AMOT: variants seen among roughly 807,000 people sequenced by gnomAD.
AMOT encodes angiomotin.
A neutral mutation model predicts 67.0 loss-of-function variants in AMOT; 11 were observed. That is an observed-to-expected ratio of 0.16 (90% confidence interval 0.10 to 0.27). AMOT has a LOEUF of 0.27. Ranked by LOEUF, AMOT falls within the 10% of genes least tolerant of loss-of-function variation. AMOT has a pLI of 1.00. For synonymous variants in AMOT, 326 were observed against 321.4 expected (o/e 1.01, Z -0.15); for missense variants, 753 against 852.0 (o/e 0.88, Z 1.45).
At chrX:112,801,786 G>A (rs2147798441) in intron 8 of AMOT, among the ~76,000 whole-genome samples, 1 of 112,612 alleles carries the variant, frequency 8.9e-6, no homozygotes, top group Admixed American at 9.3e-5. Context: ...ACCTTTCCCT[G>A]ACCACCTTAA....
In AMOT at chrX:112,790,648, C is replaced by T. The variant is rs774306996; in HGVS notation, c.2061G>A (p.Glu687=). 1 of 1,211,065 alleles carries T rather than the reference C, an allele frequency of 8.3e-7. No individual in the cohort carries two copies. The highest frequency in any genetic ancestry group is 1.1e-6 in the Non-Finnish European group (1 of 895,159). ...DMTKWEQKYL[E]ENVMRHFALD... ...GAGCAAAATGTCTCATCACATTCTC[C>T]TCCAAATATTTCTGCTCCCACTTTG... The change falls in exon 10 of 14, where the codon GAG becomes GAA. Residue 687 remains glutamate, a synonymous_variant. Transcript: ENST00000371959.
chrX:112,783,595 T>C (rs1933270763), intron 10 of AMOT, among the ~76,000 whole-genome samples: 1 of 111,530 alleles, frequency 9.0e-6, no homozygotes. Flanking sequence ...AAAGTGACTG[T>C]TCTCTTGCCA....
chrX:112,830,214 G>C (rs370338765), intron 2 of AMOT, among the ~76,000 whole-genome samples: 2 of 111,624 alleles, frequency 1.8e-5, no homozygotes, highest in South Asian at 3.8e-4. Flanking sequence ...GTTTTTACAA[G>C]CAATGAATTA....
At chrX:112,791,159 C>A (rs1249639584) in intron 9 of AMOT, among the ~76,000 whole-genome samples, 5 of 109,390 alleles carry the variant, frequency 4.6e-5, no homozygotes, top group African/African-American at 1.7e-4. Context: ...GCAGGTGGAT[C>A]ACCTGAGGTC....
intron 1 of AMOT, among the ~76,000 whole-genome samples, chrX:112,834,805 C>T (rs190274346): frequency 1.3e-3 from 147 of 112,934 alleles, no homozygotes; most frequent in African/African-American, 4.3e-3. Flanking sequence ...CTTTGAATAA[C>T]TCACTGATCT....
intron 4 of AMOT, chrX:112,819,488 C>T: frequency 3.4e-6 from 2 of 595,949 alleles, no homozygotes; most frequent in Non-Finnish European, 4.0e-6. Context: ...TTCAAGAAAC[C>T]TCAGATCTGG....
At chrX:112,797,738 G>A (rs1030653195) in intron 8 of AMOT, among the ~76,000 whole-genome samples, 24 of 110,198 alleles carry the variant, frequency 2.2e-4, no homozygotes, top group African/African-American at 4.6e-4. Context: ...CCGCGATCGC[G>A]CCACTGCACT....
chrX:112,834,006 C>T (rs951494907), intron 1 of AMOT, among the ~76,000 whole-genome samples: 2 of 112,402 alleles, frequency 1.8e-5, no homozygotes, highest in African/African-American at 6.5e-5. Flanking sequence ...TAACAATCTT[C>T]ATCAAAGTTT....
chrX:112,824,699 C>T (rs1209279268), intron 3 of AMOT, among the ~76,000 whole-genome samples: 11 of 111,038 alleles, frequency 9.9e-5, no homozygotes, highest in Non-Finnish European at 1.9e-4. Flanking sequence ...CAACCCAGTC[C>T]CTTTTCCATT....
chrX:112,793,521 C>G lies in AMOT; in HGVS notation c.1777-1540G>C, dbSNP rs556617511. ...CACTAGCATGTAGTGATAGAAAAAC[C>G]CTCTTTGTCTTATAATGGCCCCCTC... On this transcript the variant is annotated intron_variant, in intron 8 of 13. Transcript: ENST00000371959. Among the ~76,000 whole-genome samples, 7 of 111,494 alleles carry G rather than the reference C, an allele frequency of 6.3e-5. No individual in the cohort carries two copies. The East Asian group carries it at 8.5e-4, about 14-fold the overall frequency.
chrX:112,813,670 A>G (rs1934441114), intron 5 of AMOT, among the ~76,000 whole-genome samples: 1 of 111,247 alleles, frequency 9.0e-6, no homozygotes. Context: ...ATCCTCTGGC[A>G]AAAAGGGCCC....
chrX:112,805,805 T>C (rs1411093675), intron 7 of AMOT, among the ~76,000 whole-genome samples: 1 of 112,070 alleles, frequency 8.9e-6, no homozygotes, highest in African/African-American at 3.2e-5. Flanking sequence ...TAGGATAGGC[T>C]AGGCGTGGAG....
chrX:112,825,545 C>T (rs752072583), intron 2 of AMOT, among the ~76,000 whole-genome samples: 2 of 111,288 alleles, frequency 1.8e-5, no homozygotes, highest in African/African-American at 3.3e-5. Flanking sequence ...AAAGCCAAAA[C>T]CACTGTCACC....
chrX:112,829,065 C>T (rs1439417438), intron 2 of AMOT, among the ~76,000 whole-genome samples: 5 of 112,074 alleles, frequency 4.5e-5, no homozygotes, highest in African/African-American at 6.5e-5. Context: ...TCCAGGCCCC[C>T]TGTTCCAGGT....
At position 112,823,165 on chromosome X, in the gene AMOT, T is replaced by C. The variant is rs755392519; in HGVS notation, c.-39A>G. On this transcript the variant is annotated 5_prime_UTR_variant, in exon 4 of 14. Coordinates refer to ENST00000371959, the MANE Select transcript of AMOT (RefSeq NM_001113490.2). Reference sequence around the variant, plus strand: ...GGTGCCTTGTGAAGAGAGAGAGAAATTGGGCACCTGGGCTGCCCTTGACCT... The same window carrying C: ...GGTGCCTTGTGAAGAGAGAGAGAAACTGGGCACCTGGGCTGCCCTTGACCT... 7 of 1,121,489 alleles carry C rather than the reference T, an allele frequency of 6.2e-6. No individual in the cohort carries two copies. Among genetic ancestry groups the C allele is most frequent in the African/African-American group, 3.7e-5 (2 of 54,436 alleles). The allele number at this position is 1,121,489 out of a possible 1,213,427, so 92.4% of individuals were successfully genotyped here.
intron 2 of AMOT, among the ~76,000 whole-genome samples, chrX:112,831,048 G>A (rs1010709322): frequency 5.4e-5 from 6 of 110,418 alleles, no homozygotes; most frequent in African/African-American, 1.6e-4. Flanking sequence ...GCACATTTAA[G>A]GTCAGCCCTG....
chrX:112,806,576 G>A, intron 7 of AMOT, among the ~76,000 whole-genome samples: 1 of 109,930 alleles, frequency 9.1e-6, no homozygotes, highest in South Asian at 3.9e-4. Flanking sequence ...ATCTGTGGAT[G>A]GATATAAGAA....
Position 112,790,781 on chromosome X carries a change from C to T in AMOT, c.1928G>A (p.Arg643His), listed in dbSNP as rs1162432848. The T allele has an allele frequency of 6.8e-6, 8 of 1,177,413 alleles. No individual in the cohort carries two copies. The highest frequency in any genetic ancestry group is 8.0e-6 in the Non-Finnish European group (7 of 878,050). ...GTTGGTGGGCTGACAGTTGCCCTGA[C>T]GCTGTTGGGGCAGATGCAGAGAACC... ...RELESLRIQQ[R>H]QGNCQPTNVS... Residue 643 changes from arginine to histidine, a missense_variant and splice_region_variant, in exon 10 of 14, where the codon CGT (arginine) becomes CAT (histidine). This residue lies in a region of AMOT where 66 missense variants were observed against 112.9 expected (regional missense o/e 0.58). Coordinates refer to ENST00000371959, the MANE Select transcript of AMOT (RefSeq NM_001113490.2).
At chrX:112,834,556 T>C (rs888390618) in intron 1 of AMOT, among the ~76,000 whole-genome samples, 4 of 111,819 alleles carry the variant, frequency 3.6e-5, no homozygotes, top group African/African-American at 1.3e-4. Context: ...AATGTTTCTT[T>C]TGGGGGTATT....
Sources: allele counts gnomAD v4.1 joint callset (sites outside exome capture counted in the v4.1 genomes callset), GRCh38; gene constraint gnomAD v4.1.1; regional missense constraint gnomAD v4.1.1; transcripts MANE v1.5; gene names NCBI Gene and HGNC (gene_info 2026-07-23, HGNC 2026-07-21).